DEPTOR: variants seen among roughly 807,000 people sequenced by gnomAD.
The protein encoded by DEPTOR is DEP domain-containing mTOR-interacting protein.
Under a neutral mutation model 41.6 loss-of-function variants are expected in DEPTOR, and 41 were observed. The observed-to-expected ratio is 0.98, with a 90% CI of 0.77 to 1.28. The LOEUF (loss-of-function observed/expected upper bound fraction) is 1.28. Ranked by LOEUF, DEPTOR falls within the 50% of genes most tolerant of loss-of-function variation. The pLI is 0.00. For missense variants in DEPTOR, 514 were observed against 527.9 expected (o/e 0.97, Z 0.26); for synonymous variants, 195 against 192.3 (o/e 1.01, Z -0.12).
intron 8 of DEPTOR, among the ~76,000 whole-genome samples, chr8:120,014,618 C>G (rs4871717): frequency 0.42 from 64,388 of 151,660 alleles, 14,214 homozygotes; most frequent in South Asian, 0.52. Context: ...ACCTCCGCCT[C>G]CCGGGTTCAA....
intron 8 of DEPTOR, among the ~76,000 whole-genome samples, chr8:120,014,181 A>C (rs1024155455): frequency 6.6e-6 from 1 of 152,248 alleles, no homozygotes. Context: ...AGCATGAAAT[A>C]TGGAAATCAT....
intron 1 of DEPTOR, among the ~76,000 whole-genome samples, chr8:119,924,061 G>A (rs1827934289): frequency 6.6e-6 from 1 of 152,086 alleles, no homozygotes. Context: ...ACCTTCCTAA[G>A]TCATCTCAGA....
intron 8 of DEPTOR, among the ~76,000 whole-genome samples, chr8:120,031,634 A>C (rs932658097): frequency 6.6e-6 from 1 of 152,000 alleles, no homozygotes; most frequent in African/African-American, 2.4e-5. Flanking sequence ...CCCAGACATC[A>C]GTGCCAGCAC....
At chr8:119,995,659 A>T (rs1327941853) in intron 4 of DEPTOR, among the ~76,000 whole-genome samples, 1 of 152,148 alleles carries the variant, frequency 6.6e-6, no homozygotes, top group African/African-American at 2.4e-5. Flanking sequence ...TTGTCAATAA[A>T]GTTCCAACTT....
intron 4 of DEPTOR, among the ~76,000 whole-genome samples, chr8:119,985,826 CTTTTTTTTTTTTTTTTTTT>C (rs999602227): frequency 1.1e-3 from 47 of 41,634 alleles, no homozygotes; most frequent in South Asian, 9.7e-3. Context: ...AACCCCTGCT[CTTTTTTTTTTTTTTTTTTT>C]TTTTTTTTTT....
At chr8:119,982,673 G>T (rs1186881203) in intron 4 of DEPTOR, among the ~76,000 whole-genome samples, 1 of 152,180 alleles carries the variant, frequency 6.6e-6, no homozygotes, top group African/African-American at 2.4e-5. Context: ...CCACAAAGGC[G>T]CTGTCCATCT....
chr8:120,035,095 A>T (rs895496735), intron 8 of DEPTOR, among the ~76,000 whole-genome samples: 4 of 152,122 alleles, frequency 2.6e-5, no homozygotes, highest in Non-Finnish European at 4.4e-5. Context: ...AGGCAGGCAG[A>T]TCACTTGAAT....
chr8:119,956,895 C>G (rs1487093440), intron 3 of DEPTOR, among the ~76,000 whole-genome samples: 1 of 152,026 alleles, frequency 6.6e-6, no homozygotes, highest in Non-Finnish European at 1.5e-5. Context: ...CCACCACACC[C>G]AGCTAATTTT....
At chr8:119,954,660 G>T (rs1333603203) in intron 3 of DEPTOR, among the ~76,000 whole-genome samples, 3 of 151,974 alleles carry the variant, frequency 2.0e-5, no homozygotes, top group East Asian at 1.9e-4. Flanking sequence ...CAAGGAGATC[G>T]CTATCAGCTT....
chr8:120,037,172 T>C (rs115566681), intron 8 of DEPTOR, among the ~76,000 whole-genome samples: 430 of 152,258 alleles, frequency 2.8e-3, no homozygotes, highest in African/African-American at 9.5e-3. Context: ...TGGGGAAGGA[T>C]GGAAGAGGAA....
chr8:119,958,336 C>G (rs1828445125), intron 3 of DEPTOR, among the ~76,000 whole-genome samples: 1 of 152,146 alleles, frequency 6.6e-6, no homozygotes, highest in African/African-American at 2.4e-5. Context: ...GACCTGCCCC[C>G]TTTCATGGTG....
chr8:119,978,143 G>C (rs930690049), intron 4 of DEPTOR, among the ~76,000 whole-genome samples: 1 of 152,168 alleles, frequency 6.6e-6, no homozygotes, highest in African/African-American at 2.4e-5. Context: ...GTCCCCTGCA[G>C]TATGAGGTCC....
chr8:119,895,445 A>G (rs1827508323), intron 1 of DEPTOR, among the ~76,000 whole-genome samples: 1 of 152,210 alleles, frequency 6.6e-6, no homozygotes, highest in Non-Finnish European at 1.5e-5. Context: ...TCCTCTTACT[A>G]TCCTACAATG....
chr8:119,965,097 T>C (rs1412795371), intron 3 of DEPTOR, 135 bp from the exon 4 acceptor site: 2 of 941,646 alleles, frequency 2.1e-6, no homozygotes, highest in African/African-American at 3.3e-5. Flanking sequence ...AGAAATTACA[T>C]GTGTGGTGGC....
intron 3 of DEPTOR, among the ~76,000 whole-genome samples, chr8:119,952,572 C>T (rs1158189137): frequency 6.6e-6 from 1 of 152,164 alleles, no homozygotes; most frequent in Non-Finnish European, 1.5e-5. Context: ...CTGCATGCAC[C>T]GTGCCCTCCC....
intron 4 of DEPTOR, among the ~76,000 whole-genome samples, chr8:119,974,962 A>AT (rs781205852): frequency 1.2e-4 from 19 of 152,036 alleles, no homozygotes; most frequent in Non-Finnish European, 2.4e-4. Flanking sequence ...TAGTGACTTA[A>AT]TTTTCTTTCT....
intron 8 of DEPTOR, among the ~76,000 whole-genome samples, chr8:120,011,719 T>G (rs113065919): frequency 0.015 from 2,296 of 152,330 alleles, 38 homozygotes; most frequent in African/African-American, 0.037. Flanking sequence ...TTGATGTACA[T>G]ACATAACCGT....
intron 3 of DEPTOR, among the ~76,000 whole-genome samples, chr8:119,944,690 G>C (rs115981195): frequency 0.033 from 4,502 of 136,602 alleles, 229 homozygotes; most frequent in African/African-American, 0.11. Flanking sequence ...GAGTCTTGCT[G>C]TTTCACCAGG....
At chr8:119,927,341 A>G (rs1407629594) in intron 1 of DEPTOR, among the ~76,000 whole-genome samples, 1 of 152,110 alleles carries the variant, frequency 6.6e-6, no homozygotes, top group Admixed American at 6.6e-5. Context: ...ACTAAAGCAC[A>G]GGGAATGTAT....
Sources: allele counts gnomAD v4.1 joint callset (sites outside exome capture counted in the v4.1 genomes callset), GRCh38; gene constraint gnomAD v4.1.1; transcripts MANE v1.5; gene names NCBI Gene and HGNC (gene_info 2026-07-23, HGNC 2026-07-21).